The following RIOX2 variants were observed in gnomAD, a reference collection of about 807,000 sequenced individuals.
The protein encoded by RIOX2 is ribosomal oxygenase 2.
In RIOX2, 43 loss-of-function variants were observed where a neutral mutation model predicts 51.2. The ratio of observed to expected loss-of-function variants is 0.84; its 90% confidence interval spans 0.66 to 1.08. The LOEUF (loss-of-function observed/expected upper bound fraction) is 1.08. RIOX2 is among the 50% of genes least tolerant of loss of function. The pLI, the probability that RIOX2 is intolerant of heterozygous loss-of-function variation, is 0.00. For missense variants in RIOX2, 566 were observed against 561.7 expected, an observed-to-expected ratio of 1.01 and a Z score of -0.08; for synonymous variants, 226 against 218.5, an observed-to-expected ratio of 1.03 and a Z score of -0.30.
rs149112513 is a variant in RIOX2 at position 97,947,390 on chromosome 3, G to A, written c.1120C>T (p.Leu374Phe). Residue 374 changes from leucine to phenylalanine, a missense_variant, in exon 8 of 10, where the codon CTC becomes TTC. Transcript: ENST00000394198. ...TGATCTTGATCCGGCAGTACTGTGA[G>A]GACAATGTGGTCTTTAAACTGCAGT... ...VRLQFKDHIVLTVLPDQDQSD... is the reference protein window; with the variant it reads ...VRLQFKDHIVFTVLPDQDQSD... 1 of 1,613,318 alleles carries A rather than the reference G, an allele frequency of 6.2e-7. No individual in the cohort carries two copies. The highest frequency in any genetic ancestry group is 1.3e-5 in the African/African-American group (1 of 74,962).
intron 1 of RIOX2, among the ~76,000 whole-genome samples, chr3:97,969,234 T>A (rs76806860): frequency 0.036 from 5,436 of 151,754 alleles, 142 homozygotes; most frequent in Non-Finnish European, 0.049. Flanking sequence ...AAAAAAAAAA[T>A]AAACTTTAGT....
intron 1 of RIOX2, 62 bp from the exon 2 acceptor site, chr3:97,967,694 G>T: frequency 1.7e-6 from 2 of 1,182,170 alleles, no homozygotes; most frequent in Non-Finnish European, 2.3e-6. Flanking sequence ...TGGTGTTAGT[G>T]GATCGCGCGC....
At position 97,942,518 on chromosome 3, in the gene RIOX2, AG is replaced by A. The variant is rs2040254789; in HGVS notation, c.*2665del. On this transcript the variant is annotated 3_prime_UTR_variant, in exon 10 of 10. Coordinates refer to ENST00000394198, the MANE Select transcript of RIOX2 (RefSeq NM_153182.4). The stretch of plus-strand genomic sequence containing the variant: ...TTCCAAATCTCCTCATTTTGGGTAA[AG>A]GACATCCTTATGTATAAGAGAAATG... The A allele has an allele frequency of 7.6e-7, 1 of 1,323,460 alleles. No individual in the cohort carries two copies. Among genetic ancestry groups the A allele is most frequent in the Admixed American group, 2.1e-5 (1 of 47,626 alleles). The allele number at this position is 1,323,460 out of a possible 1,614,324, so 82.0% of individuals were successfully genotyped here.
intron 3 of RIOX2, among the ~76,000 whole-genome samples, chr3:97,960,693 C>T (rs1363688721): frequency 6.6e-6 from 1 of 152,228 alleles, no homozygotes; most frequent in Non-Finnish European, 1.5e-5. Flanking sequence ...TGAATCCTGA[C>T]ACTGGATATT....
intron 8 of RIOX2, 69 bp downstream of exon 8, chr3:97,947,292 T>A: frequency 8.3e-7 from 1 of 1,206,758 alleles, no homozygotes; most frequent in South Asian, 1.2e-5. Flanking sequence ...GTGGTTAATC[T>A]AATAACCTGA....
chr3:97,954,089 C>G lies in RIOX2; in HGVS notation c.785+303G>C, dbSNP rs565434003. On this transcript the variant is annotated intron_variant, in intron 5 of 9. Coordinates refer to ENST00000394198, the MANE Select transcript of RIOX2 (RefSeq NM_153182.4). ...AAAAGAGAGAGAGTATGAGCCCAGCCTGGCATCACTAACACACTGATGTAC... is the reference window on the plus strand; with the variant it reads ...AAAAGAGAGAGAGTATGAGCCCAGCGTGGCATCACTAACACACTGATGTAC... 4 of 278,864 alleles carry G rather than the reference C, an allele frequency of 1.4e-5. No individual in the cohort carries two copies. In the South Asian group the frequency reaches 4.0e-4, roughly 28 times the overall value. The allele number at this position is 278,864 out of a possible 1,614,324, so 17.3% of individuals were successfully genotyped here.
chr3:97,965,573 C>T (rs1263817050), intron 2 of RIOX2, among the ~76,000 whole-genome samples: 1 of 151,458 alleles, frequency 6.6e-6, no homozygotes, highest in Non-Finnish European at 1.5e-5. Context: ...GCTGAGAAAG[C>T]TCATCCTTCC....
chr3:97,959,101 C>G lies in RIOX2; in HGVS notation c.631G>C (p.Val211Leu), dbSNP rs373581249. Reference protein sequence around the residue: ...PTVPLAREYSVEAEERIGRPV... With the variant: ...PTVPLAREYSLEAEERIGRPV... ...CTGCCGATCCTTTCCTCGGCCTCCA[C>G]GCTGTACTCTCGTGCCAGGGGCACA... The change falls in exon 4 of 10, where the codon GTG becomes CTG. Residue 211 changes from valine to leucine, a missense_variant. By Grantham distance (32) the Val-to-Leu change is conservative (BLOSUM62 1). Transcript: ENST00000394198. 9.3e-6 allele frequency: 15 copies of G among 1,613,804 alleles called. No homozygotes were observed. Among genetic ancestry groups the G allele is most frequent in the Admixed American group, 1.7e-5 (1 of 59,972 alleles).
chr3:97,953,840 C>T (rs903141593), intron 5 of RIOX2, among the ~76,000 whole-genome samples: 3 of 152,138 alleles, frequency 2.0e-5, no homozygotes, highest in African/African-American at 7.2e-5. Flanking sequence ...CCTGCTGTTC[C>T]AGACTGCCTG....
At chr3:97,958,922 T>C (rs1705555997) in intron 4 of RIOX2, 129 bp downstream of exon 4, 9 of 1,074,006 alleles carry the variant, frequency 8.4e-6, no homozygotes, top group Non-Finnish European at 1.2e-5. Context: ...CACCCTGCCC[T>C]GAAACCCAGG....
chr3:97,947,815 A>G (rs2040400222), intron 7 of RIOX2, among the ~76,000 whole-genome samples: 1 of 152,192 alleles, frequency 6.6e-6, no homozygotes, highest in African/African-American at 2.4e-5. Context: ...TTCTCGCTCA[A>G]CATATGGACT....
At chr3:97,966,330 T>C (rs972956646) in intron 2 of RIOX2, among the ~76,000 whole-genome samples, 6 of 152,272 alleles carry the variant, frequency 3.9e-5, no homozygotes, top group Non-Finnish European at 7.4e-5. Context: ...TAATGAAGGG[T>C]CACAGAAGGG....
chr3:97,970,257 G>A (rs913407100), intron 1 of RIOX2, among the ~76,000 whole-genome samples: 10 of 152,130 alleles, frequency 6.6e-5, no homozygotes, highest in South Asian at 2.1e-4. Context: ...TATAACAAAT[G>A]CTTTCCTTAG....
intron 1 of RIOX2, among the ~76,000 whole-genome samples, chr3:97,969,112 A>G (rs1255853529): frequency 2.0e-5 from 3 of 152,186 alleles, no homozygotes; most frequent in African/African-American, 4.8e-5. Context: ...AAAACCCTCT[A>G]AACAGCTCCA....
At chr3:97,971,922 C>G (rs1418441554) in intron 1 of RIOX2, 1 of 152,332 alleles carries the variant, frequency 6.6e-6, no homozygotes, top group Non-Finnish European at 1.5e-5. Flanking sequence ...ACCTGAACTT[C>G]AGATTTCACA....
chr3:97,945,151 A>C lies in RIOX2; in HGVS notation c.*33T>G. The C allele has an allele frequency of 6.4e-7, 1 of 1,573,240 alleles. No homozygotes were observed. Among genetic ancestry groups the C allele is most frequent in the Non-Finnish European group, 8.6e-7 (1 of 1,162,434 alleles). On this transcript the variant is annotated 3_prime_UTR_variant, in exon 10 of 10. Coordinates refer to ENST00000394198, the MANE Select transcript of RIOX2 (RefSeq NM_153182.4). ...TTTGCTTTTCTTTTAATATATGCAT[A>C]TAAAATAGTAGGCATTTGATTCTGC...
At chr3:97,961,529 T>C (rs1307575069) in intron 3 of RIOX2, 60 bp downstream of exon 3, 3 of 1,536,216 alleles carry the variant, frequency 2.0e-6, no homozygotes, top group African/African-American at 1.4e-5. Flanking sequence ...ACAACTCTAC[T>C]AAACCAGGCT....
At chr3:97,960,511 C>T (rs1705636598) in intron 3 of RIOX2, among the ~76,000 whole-genome samples, 1 of 152,084 alleles carries the variant, frequency 6.6e-6, no homozygotes, top group Non-Finnish European at 1.5e-5. Context: ...TTAGGGAAGT[C>T]AAAAGTTACA....
At position 97,947,445 on chromosome 3, in the gene RIOX2, T is replaced by C. The variant is rs780776191; in HGVS notation, c.1065A>G (p.Gly355=). 17 of 1,612,876 alleles carry C rather than the reference T, an allele frequency of 1.1e-5. No individual in the cohort carries two copies. The African/African-American group carries it at 2.3e-4, about 22-fold the overall frequency. ...GDGAELSTPG[G]KLPRLDSVVR... The stretch of plus-strand genomic sequence containing the variant: ...CTACACTGTCCAGCCTCGGTAACTT[T>C]CCACCTAGAAAACCCCAAAGAGAGA... Residue 355 remains glycine (G), a synonymous_variant, in exon 8 of 10, where the codon GGA becomes GGG. Transcript: ENST00000394198.
Sources: gnomAD v4.1 joint callset for allele counts (sites outside exome capture counted in the v4.1 genomes callset) on GRCh38, gnomAD v4.1.1 for gene constraint, MANE v1.5 for transcripts, NCBI Gene and HGNC (gene_info 2026-07-23, HGNC 2026-07-21) for gene names.